The following TTN variants were observed in gnomAD, a reference collection of about 807,000 sequenced individuals.
The protein encoded by TTN is titin, also known as connectin.
TTN carries 1,525 observed loss-of-function variants against 3,223.0 expected under a neutral mutation model. The observed-to-expected ratio is 0.47, with a 90% confidence interval of 0.45 to 0.49. TTN has a LOEUF of 0.49. Among genes scored for constraint, TTN ranks in the 20% least tolerant of loss-of-function variants. The pLI is 0.00. For missense variants in TTN, 40,786 were observed against 43,424.0 expected, an observed-to-expected ratio of 0.94 and a Z score of 5.40; for synonymous variants, 14,094 against 15,161.0, an observed-to-expected ratio of 0.93 and a Z score of 5.17.
In TTN at chr2:178,536,005, C is replaced by G; in HGVS notation, c.100742G>C (p.Gly33581Ala). ...RATNQGGSVS[G>A]TASLEVEVPA... ...ACCTTCCACTTCCAAGGAGGCAGTG[C>G]CAGACACAGATCCCCCTTGGTTGGT... The change falls in exon 357 of 363, where the codon GGC (glycine) becomes GCC (alanine). Residue 33581 changes from glycine to alanine, a missense_variant. Transcript: ENST00000589042. The G allele has an allele frequency of 3.9e-6, 6 of 1,548,344 alleles. No homozygotes were observed. Among genetic ancestry groups the G allele is most frequent in the Non-Finnish European group, 5.2e-6 (6 of 1,149,152 alleles).
At chr2:178,635,400 C>A (rs371598186) in intron 227 of TTN, 40 bp downstream of exon 227, 5 of 1,604,030 alleles carry the variant, frequency 3.1e-6, no homozygotes, top group South Asian at 1.1e-5. Flanking sequence ...TTTACACATA[C>A]GCAAAACTTA....
chr2:178,549,916 A>G (rs1300690680), intron 337 of TTN, 47 bp from the exon 338 acceptor site: 1 of 1,540,302 alleles, frequency 6.5e-7, no homozygotes, highest in South Asian at 1.3e-5. Context: ...CTTGTCCATT[A>G]AAATACAACT....
chr2:178,637,160 T>TATATATAC (rs1553749324), intron 224 of TTN, among the ~76,000 whole-genome samples: 1 of 108,248 alleles, frequency 9.2e-6, no homozygotes, highest in African/African-American at 4.4e-5. Flanking sequence ...TATATATATA[T>TATATATAC]ATATATATAT....
chr2:178,731,329 A>G lies in TTN; in HGVS notation c.17437T>C (p.Cys5813Arg). 1 of 1,613,804 alleles carries G rather than the reference A, an allele frequency of 6.2e-7. No homozygotes were observed. The highest frequency in any genetic ancestry group is 1.1e-5 in the South Asian group (1 of 91,070). The change falls in exon 59 of 363, where the codon TGT becomes CGT. Residue 5813 changes from cysteine (C) to arginine (R), a missense_variant. By Grantham distance (180) the Cys-to-Arg change is radical (BLOSUM62 -3). Coordinates refer to ENST00000589042, the MANE Select transcript of TTN (RefSeq NM_001267550.2). ...QAKNDAGIQR[C>R]SALLSVKEPA... ...CCTTTTACTGAGAGTAATGCAGAAC[A>G]TCTTTGTATTCCTGCATCATTTTTG...
chr2:178,640,075 G>A lies in TTN; in HGVS notation c.40759C>T (p.Pro13587Ser). 6.2e-7 allele frequency: 1 copy of A among 1,612,232 alleles called. No individual in the cohort carries two copies. Residue 13587 changes from proline (P) to serine (S), a missense_variant, in exon 222 of 363, where the codon CCT becomes TCT. Physicochemically the swap from Pro to Ser is moderately conservative, Grantham distance 74. Coordinates refer to ENST00000589042, the MANE Select transcript of TTN (RefSeq NM_001267550.2). ...EIKPAIPLPA[P>S]EPKPKPEAEV... ...GCTTCGGGCTTTGGTTTCGGTTCAG[G>A]TGCAGGGAGAGGTATTGCTGGCTTG...
rs767647740 is a variant in TTN at position 178,607,589 on chromosome 2, G to A, written c.53099C>T (p.Pro17700Leu). Residue 17700 changes from proline to leucine, a missense_variant, in exon 277 of 363, where the codon CCT becomes CTT. Coordinates refer to ENST00000589042, the MANE Select transcript of TTN (RefSeq NM_001267550.2). ...LRIPAVVTGR[P>L]VPTKVWTKEE... ...TTTGGTCCATACTTTTGTAGGTACA[G>A]GGCGACCAGTCACCACAGCTGGAAT... The A allele has an allele frequency of 6.2e-7, 1 of 1,613,162 alleles. No individual in the cohort carries two copies. The highest frequency in any genetic ancestry group is 1.1e-5 in the South Asian group (1 of 91,062).
chr2:178,643,329 A>G (rs1212686664), intron 218 of TTN, among the ~76,000 whole-genome samples: 1 of 151,958 alleles, frequency 6.6e-6, no homozygotes, highest in African/African-American at 2.4e-5. Flanking sequence ...TAAACCTACA[A>G]TAGGCAAATA....
At position 178,557,705 on chromosome 2, in the gene TTN, G is replaced by A. The variant is rs398124459; in HGVS notation, c.87649C>T (p.Arg29217Cys). The change falls in exon 328 of 363, where the codon CGC (arginine) becomes TGC (cysteine). Residue 29217 changes from arginine to cysteine, a missense_variant. By Grantham distance (180) the Arg-to-Cys change is radical. Transcript: ENST00000589042. ...EYQFRIKAEN[R>C]FGISDHIDSA... Reference sequence around the variant, plus strand: ...TCTATATGATCACTGATGCCAAAGCGGTTTTCTGCCTTGATGCGGAATTGG... The same window carrying A: ...TCTATATGATCACTGATGCCAAAGCAGTTTTCTGCCTTGATGCGGAATTGG... 9.9e-6 allele frequency: 16 copies of A among 1,613,786 alleles called. No homozygotes were observed. The highest frequency in any genetic ancestry group is 6.7e-5 in the East Asian group (3 of 44,884).
rs1700639038 is a variant in TTN, at chr2:178,554,651, T to G, written c.88696A>C (p.Ile29566Leu). Residue 29566 changes from isoleucine (I) to leucine (L), a missense_variant, in exon 332 of 363, where the codon ATC (isoleucine) becomes CTC (leucine). By Grantham distance (5) the Ile-to-Leu change is conservative. Transcript: ENST00000589042. ...CGCTTTTCCACAATGTAGTGAGTGATTTTTGCACCACCATCATCAGCTGGA... is the reference window on the plus strand; with the variant it reads ...CGCTTTTCCACAATGTAGTGAGTGAGTTTTGCACCACCATCATCAGCTGGA... ...RPPADDGGAKITHYIVEKRET... is the reference protein window; with the variant it reads ...RPPADDGGAKLTHYIVEKRET... 5 of 1,613,794 alleles carry G rather than the reference T, an allele frequency of 3.1e-6. No individual in the cohort carries two copies. Among genetic ancestry groups the G allele is most frequent in the East Asian group, 2.2e-5 (1 of 44,872 alleles).
Position 178,590,804 on chromosome 2 carries a change from A to G in TTN, c.60921T>C (p.Tyr20307=), listed in dbSNP as rs765532912. ...SDGGSPITGY[Y]MERREVTGKW... The stretch of plus-strand genomic sequence containing the variant: ...TGCCAGTTACTTCTCGACGTTCCAT[A>G]TAGTAGCCAGTTATTGGACTGCCAC... Residue 20307 remains tyrosine, a synonymous_variant, in exon 304 of 363, where the codon TAT becomes TAC. Coordinates refer to ENST00000589042, the MANE Select transcript of TTN (RefSeq NM_001267550.2). 1.8e-5 allele frequency: 29 copies of G among 1,607,224 alleles called. No individual in the cohort carries two copies. The highest frequency in any genetic ancestry group is 4.0e-5 in the African/African-American group (3 of 74,782).
intron 102 of TTN, among the ~76,000 whole-genome samples, chr2:178,706,200 C>G (rs948398160): frequency 2.0e-5 from 3 of 152,206 alleles, no homozygotes; most frequent in African/African-American, 7.2e-5. Flanking sequence ...GCCAGATGCT[C>G]AAGTCCCTGA....
Position 178,582,157 on chromosome 2 carries a change from T to C in TTN, c.66212A>G (p.His22071Arg), listed in dbSNP as rs968902463. The C allele has an allele frequency of 1.9e-6, 3 of 1,612,698 alleles. No individual in the cohort carries two copies. Among genetic ancestry groups the C allele is most frequent in the Non-Finnish European group, 2.5e-6 (3 of 1,179,490 alleles). Residue 22071 changes from histidine to arginine, a missense_variant, in exon 315 of 363, where the codon CAC becomes CGC. His to Arg is a conservative substitution (Grantham distance 29). Transcript: ENST00000589042. ...TGGTGGCTTCCAGCTGACTGTCATG[T>C]GATCTTTGGTTATGTTGCTAATAAC... Reference protein sequence around the residue: ...PPVISNITKDHMTVSWKPPAD... With the variant: ...PPVISNITKDRMTVSWKPPAD...
Position 178,576,233 on chromosome 2 carries a change from T to A in TTN, c.69899A>T (p.Gln23300Leu). Residue 23300 changes from glutamine to leucine, a missense_variant, in exon 326 of 363, where the codon CAG (glutamine) becomes CTG (leucine). Coordinates refer to ENST00000589042, the MANE Select transcript of TTN (RefSeq NM_001267550.2). This position sits in a 1 kb window ranked among gnomAD's most constrained non-coding sequence, Gnocchi z 4.3. ...DTTGTALRIT[Q>L]FVVPDLQTKE... ...AGTCTGAAGATCAGGAACAACGAAC[T>A]GAGTGATTCTGAGGGCGGTTCCTGT... 6.2e-7 allele frequency: 1 copy of A among 1,612,868 alleles called. No individual in the cohort carries two copies. The highest frequency in any genetic ancestry group is 8.5e-7 in the Non-Finnish European group (1 of 1,179,366).
In TTN at chr2:178,587,591, C is replaced by T. The variant is rs1031557327; in HGVS notation, c.63718G>A (p.Asp21240Asn). 1.2e-6 allele frequency: 2 copies of T among 1,612,420 alleles called. No homozygotes were observed. The highest frequency in any genetic ancestry group is 1.7e-6 in the Non-Finnish European group (2 of 1,179,322). Reference protein sequence around the residue: ...FLVIPNSTRDDSGKYSLTLVN... With the variant: ...FLVIPNSTRDNSGKYSLTLVN... ...AGTGTTAAGGAATATTTTCCTGAGT[C>T]ATCACGGGTAGAATTGGGGATGACA... Residue 21240 changes from aspartate to asparagine, a missense_variant, in exon 306 of 363, where the codon GAC (aspartate) becomes AAC (asparagine). Transcript: ENST00000589042.
rs763624309 is a variant in TTN, at chr2:178,562,304, C to T, written c.83828G>A (p.Gly27943Glu). The T allele has an allele frequency of 1.2e-6, 2 of 1,613,402 alleles. No individual in the cohort carries two copies. The highest frequency in any genetic ancestry group is 2.2e-5 in the East Asian group (1 of 44,812). ...VFRVAAVNEK[G>E]RSDPRQLGVP... ...TCCAAGTTGTCTTGGATCACTTCTT[C>T]CCTTTTCGTTAACTGCAGCTACCCT... The change falls in exon 326 of 363, where the codon GGA becomes GAA. Residue 27943 changes from glycine (G) to glutamate (E), a missense_variant. Physicochemically the swap from Gly to Glu is moderately conservative, Grantham distance 98 (BLOSUM62 -2). Coordinates refer to ENST00000589042, the MANE Select transcript of TTN (RefSeq NM_001267550.2).
chr2:178,550,088 G>A lies in TTN; in HGVS notation c.91750C>T (p.Leu30584=). 6.2e-7 allele frequency: 1 copy of A among 1,613,750 alleles called. No individual in the cohort carries two copies. The highest frequency in any genetic ancestry group is 8.5e-7 in the Non-Finnish European group (1 of 1,179,758). ...EITDVLGSTS[L]FVRDATRDHR... ...TCCCGAGTAGCATCTCTAACAAATAGGCTGGTGGATCCAAGTACGTCGGTT... is the reference window on the plus strand; with the variant it reads ...TCCCGAGTAGCATCTCTAACAAATAAGCTGGTGGATCCAAGTACGTCGGTT... The change falls in exon 337 of 363, where the codon CTA becomes TTA. Residue 30584 remains leucine (L), a synonymous_variant. Transcript: ENST00000589042.
intron 106 of TTN, 43 bp downstream of exon 106, chr2:178,704,104 G>C: frequency 6.3e-7 from 1 of 1,598,370 alleles, no homozygotes; most frequent in Non-Finnish European, 8.5e-7. Context: ...ATTTGCCATT[G>C]ACCTATGCTG....
Position 178,584,309 on chromosome 2 carries a change from G to A in TTN, c.65242C>T (p.Pro21748Ser), listed in dbSNP as rs202009606. The A allele has an allele frequency of 1.9e-6, 3 of 1,595,858 alleles. No individual in the cohort carries two copies. The African/African-American group carries it at 4.0e-5, about 21-fold the overall frequency. ...NKAGSSPPSKPTEYVTARMPV... is the reference protein window; with the variant it reads ...NKAGSSPPSKSTEYVTARMPV... ...ATTCTTGCAGTTACATATTCTGTGGGTTTGCTGGGTGGGCTGGATCCAGCT... is the reference window on the plus strand; with the variant it reads ...ATTCTTGCAGTTACATATTCTGTGGATTTGCTGGGTGGGCTGGATCCAGCT... Residue 21748 changes from proline to serine, a missense_variant, in exon 311 of 363, where the codon CCC (proline) becomes TCC (serine). Coordinates refer to ENST00000589042, the MANE Select transcript of TTN (RefSeq NM_001267550.2).
chr2:178,673,562 A>G lies in TTN; in HGVS notation c.34786+71T>C, dbSNP rs75621190. The G allele has an allele frequency of 1.3e-3, 1,701 of 1,275,762 alleles. 29 individuals carry two copies. The African/African-American group carries it at 0.024, about 18-fold the overall frequency. The allele number at this position is 1,275,762 out of a possible 1,614,324, so 79.0% of individuals were successfully genotyped here. A position where few individuals can be genotyped will look rare whatever the true frequency, so the allele number is the denominator to read the frequency against. ...AATGATTATAAGAAGGCAGTCAAAA[A>G]AGAAAATGTTGCTTTTAAGAAAGAA... On this transcript the variant is annotated intron_variant, in intron 152 of 362. Coordinates refer to ENST00000589042, the MANE Select transcript of TTN (RefSeq NM_001267550.2).
Sources: gnomAD v4.1 joint callset for allele counts (sites outside exome capture counted in the v4.1 genomes callset) on GRCh38, gnomAD v4.1.1 for gene constraint, Gnocchi (gnomAD v3.1) non-coding constraint, MANE v1.5 for transcripts, NCBI Gene and HGNC (gene_info 2026-07-23, HGNC 2026-07-21) for gene names.